The following CNTN4 variants were observed in gnomAD, a reference collection of about 807,000 sequenced individuals.
The protein encoded by CNTN4 is contactin-4.
Under a neutral mutation model 122.5 loss-of-function variants are expected in CNTN4, and 77 were observed. The ratio of observed to expected loss-of-function variants is 0.63; its 90% CI spans 0.52 to 0.76. CNTN4 has a LOEUF of 0.76. Among genes scored for constraint, CNTN4 ranks in the 30% least tolerant of loss-of-function variants. The probability of loss-of-function intolerance (pLI) is 0.00; values close to 1 mark genes in which losing one functional copy is unlikely to be tolerated. For synonymous variants in CNTN4, 512 were observed against 447.0 expected (o/e 1.15, Z -1.83); for missense variants, 1,256 against 1,259.1 (o/e 1.00, Z 0.04).
intron 4 of CNTN4, among the ~76,000 whole-genome samples, chr3:2,601,941 C>T (rs13080563): frequency 0.11 from 16,246 of 151,940 alleles, 996 homozygotes; most frequent in Non-Finnish European, 0.13. Flanking sequence ...ATTCAACATA[C>T]GCAAATCAAT....
At chr3:3,054,494 T>C (rs1701599399) in intron 24 of CNTN4, among the ~76,000 whole-genome samples, 1 of 152,246 alleles carries the variant, frequency 6.6e-6, no homozygotes, top group Non-Finnish European at 1.5e-5. Flanking sequence ...CACTTTCAAA[T>C]GTTGTTGAAT....
At chr3:2,393,123 G>T (rs1235926579) in intron 3 of CNTN4, among the ~76,000 whole-genome samples, 7 of 152,088 alleles carry the variant, frequency 4.6e-5, no homozygotes, top group African/African-American at 1.7e-4. Flanking sequence ...GTTTGCCTGC[G>T]ATCTTTGGAA....
At chr3:2,977,490 A>G (rs1008656435) in intron 13 of CNTN4, among the ~76,000 whole-genome samples, 1 of 151,836 alleles carries the variant, frequency 6.6e-6, no homozygotes, top group Admixed American at 6.6e-5. Context: ...ACTGTCTTTT[A>G]TACTCCTCAT....
chr3:2,957,553 C>G (rs1197243364), intron 13 of CNTN4, among the ~76,000 whole-genome samples: 1 of 152,056 alleles, frequency 6.6e-6, no homozygotes, highest in Non-Finnish European at 1.5e-5. Context: ...ATGTAGTGAG[C>G]ATAGCACCTA....
At chr3:2,553,019 C>T (rs148224036) in intron 3 of CNTN4, among the ~76,000 whole-genome samples, 13 of 152,226 alleles carry the variant, frequency 8.5e-5, no homozygotes, top group East Asian at 1.9e-4. Flanking sequence ...ACCTGGAAAA[C>T]GACGGTGTCT....
At chr3:2,214,783 T>C (rs1490594516) in intron 2 of CNTN4, among the ~76,000 whole-genome samples, 1 of 151,966 alleles carries the variant, frequency 6.6e-6, no homozygotes, top group Non-Finnish European at 1.5e-5. Flanking sequence ...GTAGGTACAT[T>C]AAAAAAAATC....
Position 2,930,206 on chromosome 3 carries a change from G to A in CNTN4, c.1358+4427G>A, listed in dbSNP as rs544995680. Among the ~76,000 whole-genome samples the A allele has an allele frequency of 1.2e-3, 183 of 152,176 alleles. 1 individual carries two copies. Among genetic ancestry groups the A allele is most frequent in the African/African-American group, 3.6e-3 (150 of 41,498 alleles). On this transcript the variant is annotated intron_variant, in intron 13 of 24. Transcript: ENST00000418658. The stretch of plus-strand genomic sequence containing the variant: ...TTGTATCTGATTTTCTTCAGACAGC[G>A]TTGTTTGGCATCCTCTCACTGTTTT...
At chr3:2,961,926 T>C (rs1200464988) in intron 13 of CNTN4, among the ~76,000 whole-genome samples, 1 of 152,254 alleles carries the variant, frequency 6.6e-6, no homozygotes, top group Non-Finnish European at 1.5e-5. Flanking sequence ...CTGCTTTCAG[T>C]GGCACTTCCT....
At chr3:2,964,104 G>T (rs67220438) in intron 13 of CNTN4, among the ~76,000 whole-genome samples, 5 of 151,858 alleles carry the variant, frequency 3.3e-5, no homozygotes, top group African/African-American at 1.2e-4. Flanking sequence ...TAGTGTTTTT[G>T]AGCATTCATA....
chr3:2,588,289 T>C (rs2080299488), intron 4 of CNTN4, among the ~76,000 whole-genome samples: 1 of 152,156 alleles, frequency 6.6e-6, no homozygotes, highest in African/African-American at 2.4e-5. Flanking sequence ...GACTTTATTT[T>C]TAGTTTAATC....
intron 3 of CNTN4, among the ~76,000 whole-genome samples, chr3:2,432,861 T>C (rs2048127856): frequency 6.7e-6 from 1 of 148,328 alleles, no homozygotes; most frequent in Non-Finnish European, 1.5e-5. Context: ...TAGGCTGGAG[T>C]GCAGTGGTGA....
chr3:2,750,979 T>C (rs2090059697), intron 6 of CNTN4, among the ~76,000 whole-genome samples: 1 of 152,088 alleles, frequency 6.6e-6, no homozygotes, highest in Admixed American at 6.5e-5. Context: ...AGTGTTTCTA[T>C]TGGTGTGGCA....
intron 4 of CNTN4, among the ~76,000 whole-genome samples, chr3:2,582,403 A>T (rs1331225909): frequency 6.6e-6 from 1 of 152,160 alleles, no homozygotes; most frequent in Non-Finnish European, 1.5e-5. Flanking sequence ...CTGTAATCCC[A>T]ATCTGTCTTC....
At chr3:2,647,302 A>G (rs927025318) in intron 4 of CNTN4, among the ~76,000 whole-genome samples, 2 of 152,006 alleles carry the variant, frequency 1.3e-5, no homozygotes, top group Non-Finnish European at 2.9e-5. Context: ...AATCGCTTGA[A>G]CCTGGGAGGC....
intron 9 of CNTN4, among the ~76,000 whole-genome samples, chr3:2,884,057 T>C (rs1195746614): frequency 6.6e-6 from 1 of 152,160 alleles, no homozygotes; most frequent in East Asian, 1.9e-4. Context: ...ACTAACTCTC[T>C]TTTTCCTGCG....
chr3:2,814,694 G>T (rs1447604952), intron 6 of CNTN4, among the ~76,000 whole-genome samples: 1 of 152,202 alleles, frequency 6.6e-6, no homozygotes, highest in Non-Finnish European at 1.5e-5. Flanking sequence ...TACGAAATCA[G>T]TGAAGATGCC....
chr3:2,251,478 C>T (rs1361576768), intron 2 of CNTN4, among the ~76,000 whole-genome samples: 2 of 151,798 alleles, frequency 1.3e-5, no homozygotes, highest in African/African-American at 4.8e-5. Flanking sequence ...CACTAATGTC[C>T]TTTAGGAAAT....
chr3:3,001,972 A>G (rs928098804), intron 14 of CNTN4, among the ~76,000 whole-genome samples: 1 of 152,232 alleles, frequency 6.6e-6, no homozygotes, highest in African/African-American at 2.4e-5. Flanking sequence ...ACAAGAAAAC[A>G]CAAGTCATTA....
chr3:2,612,329 T>C (rs2081535464), intron 4 of CNTN4, among the ~76,000 whole-genome samples: 1 of 152,114 alleles, frequency 6.6e-6, no homozygotes, highest in South Asian at 2.1e-4. Flanking sequence ...TCATCTAACA[T>C]AAAGCCTATT....
Sources: allele counts gnomAD v4.1 joint callset (sites outside exome capture counted in the v4.1 genomes callset), GRCh38; gene constraint gnomAD v4.1.1; transcripts MANE v1.5; gene names NCBI Gene and HGNC (gene_info 2026-07-23, HGNC 2026-07-21).